Variants in IRS1 observed in about 807,000 individuals in gnomAD.
IRS1 encodes insulin receptor substrate 1.
IRS1 carries 34 observed loss-of-function variants against 65.6 expected under a neutral mutation model. That is an observed-to-expected ratio of 0.52 (90% CI 0.39 to 0.69). The LOEUF (loss-of-function observed/expected upper bound fraction) is 0.69. Ranked by LOEUF, IRS1 falls within the 30% of genes least tolerant of loss-of-function variation. The pLI is 0.00. For missense variants in IRS1, 1,641 were observed against 1,720.2 expected, an observed-to-expected ratio of 0.95 and a Z score of 0.81; for synonymous variants, 699 against 683.5, an observed-to-expected ratio of 1.02 and a Z score of -0.35.
intron 1 of IRS1, among the ~76,000 whole-genome samples, chr2:226,781,719 C>T (rs1939385405): frequency 6.6e-6 from 1 of 152,158 alleles, no homozygotes; most frequent in Non-Finnish European, 1.5e-5. Flanking sequence ...CAAGCCTGTA[C>T]ACTTTCTGAA....
chr2:226,795,929 C>A lies in IRS1; in HGVS notation c.2810G>T (p.Gly937Val), dbSNP rs1939711382. 3.7e-6 allele frequency: 6 copies of A among 1,613,912 alleles called. No homozygotes were observed. Among genetic ancestry groups the A allele is most frequent in the African/African-American group, 1.3e-5 (1 of 74,950 alleles). The change falls in exon 1 of 2, where the codon GGC becomes GTC. Residue 937 changes from glycine to valine, a missense_variant. Transcript: ENST00000305123. ...LQPAPREEET[G>V]TEEYMKMDLG... ...GTCCATCTTCATGTACTCCTCAGTG[C>A]CAGTCTCTTCCTCTCTGGGAGCTGG...
rs145563654 is a variant in IRS1 at position 226,779,011 on chromosome 2, T to C, written c.*21+15978A>G. Among the ~76,000 whole-genome samples, 662 of 152,344 alleles carry C rather than the reference T, an allele frequency of 4.3e-3. 3 individuals carry two copies. Among genetic ancestry groups the C allele is most frequent in the South Asian group, 8.9e-3 (43 of 4,830 alleles). On this transcript the variant is annotated intron_variant, in intron 1 of 1. Coordinates refer to ENST00000305123, the MANE Select transcript of IRS1 (RefSeq NM_005544.3). ...TAAGAAAGCTTGAAGTTTTGTCTGT[T>C]TTCTTCACAGTTGTAATTCAAGAAC...
In IRS1 at chr2:226,797,175, G is replaced by C; in HGVS notation, c.1564C>G (p.Arg522Gly). The change falls in exon 1 of 2, where the codon CGA (arginine) becomes GGA (glycine). Residue 522 changes from arginine to glycine, a missense_variant. Arg to Gly is a moderately radical substitution (Grantham distance 125). This residue lies in a region of IRS1 where 1,324 missense variants were observed against 1,361.0 expected (regional missense o/e 0.97). Transcript: ENST00000305123. This position sits in a 1 kb window ranked among gnomAD's most constrained non-coding sequence, Gnocchi z 8.1. ...ASAADLDNRF[R>G]KRTHSAGTSP... is the part of the protein sequence containing the mutation. ...GTGCCTGCCGAGTGAGTTCTCTTTC[G>C]GAACCGATTATCCAGATCTGCAGCA... 6.2e-7 allele frequency: 1 copy of C among 1,613,946 alleles called. No individual in the cohort carries two copies. Among genetic ancestry groups the C allele is most frequent in the Non-Finnish European group, 8.5e-7 (1 of 1,180,010 alleles).
chr2:226,792,637 G>T (rs551895228), intron 1 of IRS1, among the ~76,000 whole-genome samples: 10 of 152,274 alleles, frequency 6.6e-5, no homozygotes, highest in African/African-American at 2.2e-4. Flanking sequence ...TAAACAAGCC[G>T]AGATGTTTCA....
intron 1 of IRS1, among the ~76,000 whole-genome samples, chr2:226,748,364 G>T (rs1043693938): frequency 1.2e-4 from 18 of 150,396 alleles, no homozygotes; most frequent in African/African-American, 4.4e-4. Context: ...AGGAGGTGGA[G>T]GTTGCAGCAA....
intron 1 of IRS1, among the ~76,000 whole-genome samples, chr2:226,760,044 C>T (rs889140118): frequency 3.3e-5 from 5 of 152,108 alleles, no homozygotes; most frequent in African/African-American, 9.7e-5. Flanking sequence ...TGTGTGGTGG[C>T]GCATGCCTGT....
Position 226,734,263 on chromosome 2 carries a change from A to G in IRS1, c.*2009T>C, listed in dbSNP as rs1938284928. On this transcript the variant is annotated 3_prime_UTR_variant, in exon 2 of 2. Transcript: ENST00000305123. ...ATTTTCAAAATGGGTAGTGCTCTCT[A>G]CTAATAGGAAATGATGTAATTCTGC... 1 of 152,226 alleles carries G rather than the reference A, an allele frequency of 6.6e-6. No homozygotes were observed. Among genetic ancestry groups the G allele is most frequent in the Non-Finnish European group, 1.5e-5 (1 of 68,032 alleles). 9.4% of individuals were successfully genotyped at this position (152,226 alleles called of 1,614,324 possible).
Position 226,796,776 on chromosome 2 carries a change from G to A in IRS1, c.1963C>T (p.Gln655Ter), listed in dbSNP as rs1430781021. ...ATGTAGCCATTGGGGTCCACTCTCT[G>A]GGGATGGCGTCTGATGGGATTGATG... ...QIINPIRRHP[Q>*]RVDPNGYMMM... Residue 655 changes from glutamine to a stop codon, truncating the protein, a stop_gained, in exon 1 of 2, where the codon CAG becomes TAG. Transcript: ENST00000305123. LOFTEE classifies it high-confidence loss of function. 1 of 1,592,456 alleles carries A rather than the reference G, an allele frequency of 6.3e-7. No individual in the cohort carries two copies. The highest frequency in any genetic ancestry group is 1.3e-5 in the African/African-American group (1 of 74,540).
chr2:226,763,095 A>G (rs900091490), intron 1 of IRS1, among the ~76,000 whole-genome samples: 4 of 152,172 alleles, frequency 2.6e-5, no homozygotes, highest in African/African-American at 9.7e-5. Context: ...ATAAAGGGGG[A>G]AAAATGATGA....
chr2:226,792,550 G>T (rs1306222160), intron 1 of IRS1, among the ~76,000 whole-genome samples: 4 of 152,232 alleles, frequency 2.6e-5, no homozygotes, highest in African/African-American at 9.6e-5. Flanking sequence ...AGGTAAAGCA[G>T]ACAGGCTTCC....
intron 1 of IRS1, among the ~76,000 whole-genome samples, chr2:226,763,852 A>G (rs531413752): frequency 6.6e-6 from 1 of 152,296 alleles, no homozygotes; most frequent in South Asian, 2.1e-4. Context: ...GCAATACCCA[A>G]GCTACTCTTT....
At chr2:226,785,040 G>A (rs533528876) in intron 1 of IRS1, among the ~76,000 whole-genome samples, 21 of 152,288 alleles carry the variant, frequency 1.4e-4, no homozygotes, top group African/African-American at 4.8e-4. Flanking sequence ...GTAGTCTTAT[G>A]TATAAAATAA....
chr2:226,798,544 G>C lies in IRS1; in HGVS notation c.195C>G (p.Pro65=). Residue 65 remains proline, a synonymous_variant, in exon 1 of 2, where the codon CCC becomes CCG. Transcript: ENST00000305123. This position sits in a 1 kb window ranked among gnomAD's most constrained non-coding sequence, Gnocchi z 9.4. ...TGTTGATGTTGAAGCAGCTCTCAAGGGGGATCGAGCGTTTGGGGGCGCTCG... is the reference window on the plus strand; with the variant it reads ...TGTTGATGTTGAAGCAGCTCTCAAGCGGGATCGAGCGTTTGGGGGCGCTCG... The part of the protein sequence containing the change: ...HKSSAPKRSI[P]LESCFNINKR... The C allele has an allele frequency of 3.7e-6, 6 of 1,614,038 alleles. No homozygotes were observed. Among genetic ancestry groups the C allele is most frequent in the Non-Finnish European group, 5.1e-6 (6 of 1,180,026 alleles).
intron 1 of IRS1, among the ~76,000 whole-genome samples, chr2:226,781,609 C>T (rs1387088960): frequency 6.6e-6 from 1 of 152,116 alleles, no homozygotes; most frequent in Non-Finnish European, 1.5e-5. Flanking sequence ...GACACAATAA[C>T]ATTCCTCCAG....
intron 1 of IRS1, among the ~76,000 whole-genome samples, chr2:226,774,664 G>A (rs1426858953): frequency 1.3e-5 from 2 of 152,174 alleles, no homozygotes; most frequent in African/African-American, 2.4e-5. Flanking sequence ...CTTCACAAAT[G>A]TCTTCAAACA....
At chr2:226,790,694 T>G (rs1046354755) in intron 1 of IRS1, among the ~76,000 whole-genome samples, 4 of 152,164 alleles carry the variant, frequency 2.6e-5, no homozygotes, top group African/African-American at 9.7e-5. Context: ...TGTTGGCTGG[T>G]GAGAAATGCT....
Position 226,799,627 on chromosome 2 carries a change from G to T in IRS1, c.-889C>A. 1 of 1,002,978 alleles carries T rather than the reference G, an allele frequency of 1.0e-6. No individual in the cohort carries two copies. The highest frequency in any genetic ancestry group is 1.7e-5 in the African/African-American group (1 of 57,306). The allele number at this position is 1,002,978 out of a possible 1,614,324, so 62.1% of individuals were successfully genotyped here. ...TTCGGGGAAGACGCCTGTTCCTCGG[G>T]AGGCGCTGCCGCTGCAGTTACTTCT... On this transcript the variant is annotated 5_prime_UTR_variant, in exon 1 of 2. Coordinates refer to ENST00000305123, the MANE Select transcript of IRS1 (RefSeq NM_005544.3). The surrounding 1 kb of genome is among the most constrained non-coding windows in gnomAD (Gnocchi z 6.1).
Position 226,797,884 on chromosome 2 carries a change from G to A in IRS1, c.855C>T (p.Arg285=). The change falls in exon 1 of 2, where the codon CGC becomes CGT. Residue 285 remains arginine (R), a synonymous_variant. Coordinates refer to ENST00000305123, the MANE Select transcript of IRS1 (RefSeq NM_005544.3). This position sits in a 1 kb window ranked among gnomAD's most constrained non-coding sequence, Gnocchi z 8.1. ...NCSNPISVPL[R]RHHLNNPPPS... is the part of the protein sequence containing the mutation. ...GCGGGGGATTGTTGAGATGGTGCCG[G>A]CGCAGGGGGACGCTGATGGGGTTAG... The A allele has an allele frequency of 6.2e-7, 1 of 1,610,396 alleles. No individual in the cohort carries two copies. Among genetic ancestry groups the A allele is most frequent in the Non-Finnish European group, 8.5e-7 (1 of 1,178,420 alleles).
At chr2:226,786,770 T>G (rs968101264) in intron 1 of IRS1, among the ~76,000 whole-genome samples, 1 of 141,500 alleles carries the variant, frequency 7.1e-6, no homozygotes, top group Non-Finnish European at 1.5e-5. Context: ...CAAGCTATTA[T>G]AAAACTTGGT....
Sources: allele counts gnomAD v4.1 joint callset (sites outside exome capture counted in the v4.1 genomes callset), GRCh38; gene constraint gnomAD v4.1.1; regional missense constraint gnomAD v4.1.1; non-coding constraint Gnocchi (gnomAD v3.1); transcripts MANE v1.5; gene names NCBI Gene and HGNC (gene_info 2026-07-23, HGNC 2026-07-21).